Variants in KCNH1 observed in about 807,000 individuals in gnomAD.
KCNH1 encodes voltage-gated delayed rectifier potassium channel KCNH1.
Under a neutral mutation model 69.2 loss-of-function variants are expected in KCNH1, and 27 were observed. That is an observed-to-expected ratio of 0.39 (90% CI 0.29 to 0.54). The LOEUF is 0.54. KCNH1 is among the 20% of genes least tolerant of loss of function. The pLI is 0.68. For synonymous variants in KCNH1, 456 were observed against 487.7 expected (o/e 0.93, Z 0.86); for missense variants, 798 against 1,261.6 (o/e 0.63, Z 5.57).
At chr1:210,740,703 A>ATTTTTTTTTTTTTTT (rs1558449234) in intron 10 of KCNH1, among the ~76,000 whole-genome samples, 1 of 135,526 alleles carries the variant, frequency 7.4e-6, no homozygotes, top group African/African-American at 3.2e-5. Flanking sequence ...TTTATGATTA[A>ATTTTTTTTTTTTTTT]ATTTTTTTTT....
Position 211,133,849 on chromosome 1 carries a change from T to C in KCNH1, c.79+18A>G, listed in dbSNP as rs546154392. ...GGATAAAACGCCCGGGTAATCGAAA[T>C]CCGAATGCACCTCTTACCATTGGAC... On this transcript the variant is annotated intron_variant, in intron 1 of 10. Transcript: ENST00000271751. The surrounding 1 kb of genome is among the most constrained non-coding windows in gnomAD (Gnocchi z 5.4). The C allele has an allele frequency of 6.2e-7, 1 of 1,602,870 alleles. No individual in the cohort carries two copies. Among genetic ancestry groups the C allele is most frequent in the African/African-American group, 1.4e-5 (1 of 74,030 alleles).
At chr1:211,077,826 G>A (rs913937333) in intron 5 of KCNH1, among the ~76,000 whole-genome samples, 2 of 151,970 alleles carry the variant, frequency 1.3e-5, no homozygotes, top group African/African-American at 4.8e-5. Context: ...ACTGGATAAA[G>A]AGTCAAGCCC....
chr1:211,070,679 C>T (rs1332960880), intron 5 of KCNH1, among the ~76,000 whole-genome samples: 1 of 151,748 alleles, frequency 6.6e-6, no homozygotes, highest in Admixed American at 6.6e-5. Context: ...CAAAAAGTAG[C>T]CAGGCATGGT....
intron 9 of KCNH1, among the ~76,000 whole-genome samples, chr1:210,784,806 AAATCTGGTC>A (rs981795401): frequency 1.6e-4 from 24 of 152,118 alleles, no homozygotes; most frequent in African/African-American, 5.6e-4. Flanking sequence ...TGTCAGCCAC[AAATCTGGTC>A]AATGAAACAC....
rs1322230226 is a variant in KCNH1, at chr1:210,679,522, A to T, written c.*3759T>A. On this transcript the variant is annotated 3_prime_UTR_variant, in exon 11 of 11. Transcript: ENST00000271751. ...AACAAGGGGAAATGAGAATCTTCCTATACCTAGTCTTCCTATACCTAGTAT... is the reference window on the plus strand; with the variant it reads ...AACAAGGGGAAATGAGAATCTTCCTTTACCTAGTCTTCCTATACCTAGTAT... 1 of 152,238 alleles carries T rather than the reference A, an allele frequency of 6.6e-6. No individual in the cohort carries two copies. The highest frequency in any genetic ancestry group is 1.5e-5 in the Non-Finnish European group (1 of 68,054). The allele number at this position is 152,238 out of a possible 1,614,324, so 9.4% of individuals were successfully genotyped here.
At chr1:211,077,904 A>C (rs1014209180) in intron 5 of KCNH1, among the ~76,000 whole-genome samples, 2 of 151,888 alleles carry the variant, frequency 1.3e-5, no homozygotes, top group African/African-American at 2.4e-5. Flanking sequence ...AAATAAAGGG[A>C]TGGAGGAAGA....
chr1:210,959,576 G>T (rs1240043366), intron 6 of KCNH1, among the ~76,000 whole-genome samples: 2 of 152,176 alleles, frequency 1.3e-5, no homozygotes, highest in East Asian at 3.9e-4. Flanking sequence ...GAGCTTCCCA[G>T]CCACTTTATT....
At chr1:210,950,863 G>T (rs1185344441) in intron 6 of KCNH1, among the ~76,000 whole-genome samples, 1 of 152,164 alleles carries the variant, frequency 6.6e-6, no homozygotes, top group Non-Finnish European at 1.5e-5. Context: ...CTTATTGAGT[G>T]GCCTCAAGTG....
chr1:210,684,273 TACAAGGC>T, intron 10 of KCNH1, 135 bp from the exon 11 acceptor site: 4 of 873,448 alleles, frequency 4.6e-6, no homozygotes, highest in Non-Finnish European at 4.8e-6. Context: ...GCTCACAGCC[TACAAGGC>T]CTCATGAGGC....
intron 5 of KCNH1, among the ~76,000 whole-genome samples, chr1:211,081,136 C>A (rs551843446): frequency 1.3e-5 from 2 of 152,282 alleles, no homozygotes; most frequent in South Asian, 4.1e-4. Context: ...AAACAAACAA[C>A]CCCATCAAAA....
intron 7 of KCNH1, among the ~76,000 whole-genome samples, chr1:210,894,985 C>G (rs953932267): frequency 6.6e-6 from 1 of 152,212 alleles, no homozygotes; most frequent in African/African-American, 2.4e-5. Context: ...CAGATTCTGA[C>G]TGAGTTCTCC....
chr1:211,102,461 C>G (rs1476700115), intron 3 of KCNH1, among the ~76,000 whole-genome samples: 2 of 152,144 alleles, frequency 1.3e-5, no homozygotes, highest in Non-Finnish European at 2.9e-5. Flanking sequence ...GATCTGCTGG[C>G]AGAGGGAGTG....
At chr1:210,984,205 C>T (rs1022536751) in intron 6 of KCNH1, among the ~76,000 whole-genome samples, 9 of 152,208 alleles carry the variant, frequency 5.9e-5, no homozygotes, top group Non-Finnish European at 1.0e-4. Context: ...GATATACAAT[C>T]ATGTCATCTG....
At chr1:210,963,984 T>G (rs1362496140) in intron 6 of KCNH1, among the ~76,000 whole-genome samples, 1 of 152,002 alleles carries the variant, frequency 6.6e-6, no homozygotes, top group Non-Finnish European at 1.5e-5. Context: ...CCAAGACACA[T>G]AATTGTCAGA....
chr1:211,076,405 T>C (rs867119475), intron 5 of KCNH1, among the ~76,000 whole-genome samples: 2 of 149,100 alleles, frequency 1.3e-5, no homozygotes, highest in Admixed American at 6.6e-5. Flanking sequence ...CAGGCAGCAA[T>C]ATTTGCTGTT....
At chr1:210,799,102 A>C (rs1158638980) in intron 8 of KCNH1, among the ~76,000 whole-genome samples, 1 of 151,866 alleles carries the variant, frequency 6.6e-6, no homozygotes, top group Non-Finnish European at 1.5e-5. Flanking sequence ...TGCTTAAAGA[A>C]AACAATAAAA....
At chr1:210,741,855 G>A (rs1683040774) in intron 10 of KCNH1, among the ~76,000 whole-genome samples, 1 of 152,176 alleles carries the variant, frequency 6.6e-6, no homozygotes, top group African/African-American at 2.4e-5. Context: ...TCAGTGTGGG[G>A]ATATTCTAAA....
At chr1:210,978,389 A>G (rs564391323) in intron 6 of KCNH1, among the ~76,000 whole-genome samples, 1 of 152,268 alleles carries the variant, frequency 6.6e-6, no homozygotes, top group East Asian at 1.9e-4. Flanking sequence ...CATGTTTATA[A>G]TAATTTCTTT....
chr1:211,107,506 C>A, intron 1 of KCNH1, 129 bp from the exon 2 acceptor site: 2 of 918,622 alleles, frequency 2.2e-6, no homozygotes, highest in Admixed American at 2.7e-5. Context: ...GACTCTTGAA[C>A]AGAAATGTCG....
Sources: gnomAD v4.1 joint callset for allele counts (sites outside exome capture counted in the v4.1 genomes callset) on GRCh38, gnomAD v4.1.1 for gene constraint, Gnocchi (gnomAD v3.1) non-coding constraint, MANE v1.5 for transcripts, NCBI Gene and HGNC (gene_info 2026-07-23, HGNC 2026-07-21) for gene names.